The following MEF2C variants were observed in gnomAD, a reference collection of about 807,000 sequenced individuals.
MEF2C encodes myocyte enhancer factor 2C.
In MEF2C, 6 loss-of-function variants were observed where a neutral mutation model predicts 50.5. The ratio of observed to expected loss-of-function variants is 0.12; its 90% CI spans 0.07 to 0.23. The LOEUF (loss-of-function observed/expected upper bound fraction) is 0.23, where lower values mean the gene tolerates loss of function less well. Among genes scored for constraint, MEF2C ranks in the 10% least tolerant of loss-of-function variants. The probability of loss-of-function intolerance (pLI) is 1.00; values close to 1 mark genes in which losing one functional copy is unlikely to be tolerated. For synonymous variants in MEF2C, 183 were observed against 228.0 expected (o/e 0.80, Z 1.78); for missense variants, 276 against 605.0 (o/e 0.46, Z 5.70).
intron 2 of MEF2C, among the ~76,000 whole-genome samples, chr5:88,822,037 T>C (rs1382480374): frequency 6.6e-6 from 1 of 152,018 alleles, no homozygotes; most frequent in East Asian, 1.9e-4. Context: ...CCATATTATA[T>C]ACAACTATTA....
At chr5:88,878,840 C>G (rs926171471) in intron 1 of MEF2C, among the ~76,000 whole-genome samples, 2 of 151,976 alleles carry the variant, frequency 1.3e-5, no homozygotes, top group African/African-American at 4.8e-5. Context: ...ATGAACCCAA[C>G]TGTATAATTC....
intron 3 of MEF2C, among the ~76,000 whole-genome samples, chr5:88,776,196 A>T (rs932962262): frequency 2.6e-5 from 4 of 152,076 alleles, no homozygotes; most frequent in Non-Finnish European, 5.9e-5. Context: ...CCCCATAATT[A>T]AAAAAATTAT....
intron 6 of MEF2C, chr5:88,737,225 A>G (rs1280430598): frequency 2.0e-6 from 2 of 985,054 alleles, no homozygotes; most frequent in East Asian, 2.3e-4. Flanking sequence ...AAAATTTTAT[A>G]TTTTAGATAA....
intron 10 of MEF2C, among the ~76,000 whole-genome samples, chr5:88,725,606 T>C (rs922677091): frequency 9.9e-5 from 15 of 152,062 alleles, no homozygotes; most frequent in African/African-American, 3.4e-4. Flanking sequence ...GATATGCAAG[T>C]TACCCATATC....
At chr5:88,737,269 G>A in intron 6 of MEF2C, 2 of 985,290 alleles carry the variant, frequency 2.0e-6, no homozygotes, top group South Asian at 9.4e-5. Flanking sequence ...ACACTATTGA[G>A]ACAAACTGCT....
chr5:88,839,954 A>C (rs1456980409), intron 1 of MEF2C, among the ~76,000 whole-genome samples: 1 of 152,198 alleles, frequency 6.6e-6, no homozygotes, highest in Non-Finnish European at 1.5e-5. Flanking sequence ...TGCCATGTCA[A>C]AAAAGAGAAA....
At chr5:88,852,410 C>T (rs1456214110) in intron 1 of MEF2C, among the ~76,000 whole-genome samples, 1 of 152,202 alleles carries the variant, frequency 6.6e-6, no homozygotes, top group Non-Finnish European at 1.5e-5. Context: ...AAAGACCATT[C>T]AGAGTAGTGG....
intron 1 of MEF2C, among the ~76,000 whole-genome samples, chr5:88,872,353 G>A (rs896729967): frequency 1.3e-5 from 2 of 151,726 alleles, no homozygotes; most frequent in Non-Finnish European, 2.9e-5. Context: ...TGTTTCTTTG[G>A]TTCCATTTCT....
intron 2 of MEF2C, among the ~76,000 whole-genome samples, chr5:88,811,658 G>T (rs1802869366): frequency 6.6e-6 from 1 of 151,844 alleles, no homozygotes; most frequent in Non-Finnish European, 1.5e-5. Flanking sequence ...CATATTTCAA[G>T]AAATAAAATA....
intron 1 of MEF2C, among the ~76,000 whole-genome samples, chr5:88,867,659 A>G (rs552390229): frequency 4.6e-5 from 7 of 152,314 alleles, no homozygotes; most frequent in African/African-American, 1.4e-4. Context: ...ACATATCATA[A>G]AAGTTATTAA....
At chr5:88,763,657 T>C (rs1292022842) in intron 3 of MEF2C, among the ~76,000 whole-genome samples, 6 of 140,942 alleles carry the variant, frequency 4.3e-5, no homozygotes, top group Admixed American at 4.2e-4. Flanking sequence ...TCTTTCTTTC[T>C]TTTTTTTTTT....
At chr5:88,814,990 G>A (rs1804676991) in intron 2 of MEF2C, among the ~76,000 whole-genome samples, 1 of 151,968 alleles carries the variant, frequency 6.6e-6, no homozygotes, top group South Asian at 2.1e-4. Flanking sequence ...TTTTTTATAT[G>A]GGCTGCTCAA....
At chr5:88,845,469 T>C (rs914854491) in intron 1 of MEF2C, among the ~76,000 whole-genome samples, 3 of 152,230 alleles carry the variant, frequency 2.0e-5, no homozygotes, top group Non-Finnish European at 2.9e-5. Context: ...GTCATTTCAG[T>C]ATCGACATAC....
intron 1 of MEF2C, among the ~76,000 whole-genome samples, chr5:88,851,670 C>T (rs569558365): frequency 6.1e-4 from 92 of 151,928 alleles, no homozygotes; most frequent in Non-Finnish European, 1.2e-3. Context: ...TTCACATTCT[C>T]GATGATAAGT....
chr5:88,742,304 G>T, intron 6 of MEF2C: 1 of 985,106 alleles, frequency 1.0e-6, no homozygotes, highest in East Asian at 1.1e-4. Context: ...TAGGGAAGAG[G>T]AACCTAATAG....
At position 88,842,541 on chromosome 5, in the gene MEF2C, G is replaced by GA. The variant is rs368624008; in HGVS notation, c.-142-18612dup. Among the ~76,000 whole-genome samples, 1,220 of 139,064 alleles carry GA rather than the reference G, an allele frequency of 8.8e-3. 18 individuals carry two copies. Among genetic ancestry groups the GA allele is most frequent in the African/African-American group, 0.028 (1,070 of 37,836 alleles). The allele number at this position is 139,064 out of a possible 152,430, so 91.2% of individuals were successfully genotyped here. On this transcript the variant is annotated intron_variant, in intron 1 of 10. Coordinates refer to ENST00000504921, the MANE Select transcript of MEF2C (RefSeq NM_002397.5). ...TGCCATTACAAACGTCAACAATATG[G>GA]AAAAAAAAAAAGAGAAATTATACAG...
intron 1 of MEF2C, among the ~76,000 whole-genome samples, chr5:88,891,460 C>A (rs540533401): frequency 1.5e-5 from 2 of 134,336 alleles, no homozygotes; most frequent in African/African-American, 3.0e-5. Flanking sequence ...TGCAGTGGTG[C>A]GATCTTGGCT....
At chr5:88,853,263 GAA>G (rs1296019753) in intron 1 of MEF2C, among the ~76,000 whole-genome samples, 1 of 152,110 alleles carries the variant, frequency 6.6e-6, no homozygotes, top group Admixed American at 6.6e-5. Flanking sequence ...AAAAAGTAAA[GAA>G]AAAGAATGTA....
At chr5:88,840,307 G>A (rs1045317259) in intron 1 of MEF2C, among the ~76,000 whole-genome samples, 3 of 152,082 alleles carry the variant, frequency 2.0e-5, no homozygotes, top group Non-Finnish European at 2.9e-5. Context: ...TGGTGATCAC[G>A]TCCTCATGTC....
Sources: allele counts gnomAD v4.1 joint callset (sites outside exome capture counted in the v4.1 genomes callset), GRCh38; gene constraint gnomAD v4.1.1; transcripts MANE v1.5; gene names NCBI Gene and HGNC (gene_info 2026-07-23, HGNC 2026-07-21).